Variants in USP34 observed in about 807,000 individuals in gnomAD.
USP34 encodes ubiquitin carboxyl-terminal hydrolase 34.
USP34 carries 70 observed loss-of-function variants against 460.3 expected under a neutral mutation model. That is an observed-to-expected ratio of 0.15 (90% confidence interval 0.13 to 0.19). The LOEUF (loss-of-function observed/expected upper bound fraction) is 0.19, where lower values mean the gene tolerates loss of function less well. Ranked by LOEUF, USP34 falls within the 10% of genes least tolerant of loss-of-function variation. The pLI, the probability that USP34 is intolerant of heterozygous loss-of-function variation, is 1.00. For synonymous variants in USP34, 1,647 were observed against 1,405.3 expected (o/e 1.17, Z -3.85); for missense variants, 3,985 against 4,236.2 (o/e 0.94, Z 1.65).
chr2:61,412,553 G>A (rs1694071877), intron 2 of USP34, among the ~76,000 whole-genome samples: 1 of 151,528 alleles, frequency 6.6e-6, no homozygotes, highest in African/African-American at 2.4e-5. Flanking sequence ...TCCACAAAAG[G>A]GAAAAATGAA....
chr2:61,449,244 G>C (rs941725749), intron 1 of USP34, among the ~76,000 whole-genome samples: 1 of 108,912 alleles, frequency 9.2e-6, no homozygotes, highest in African/African-American at 3.9e-5. Context: ...ATGACAGTGA[G>C]ACTCCCTCTT....
chr2:61,234,840 G>T (rs1436029805), intron 57 of USP34, among the ~76,000 whole-genome samples: 1 of 151,878 alleles, frequency 6.6e-6, no homozygotes, highest in African/African-American at 2.4e-5. Context: ...TTTTGCATGT[G>T]GGCCGGGCTG....
At chr2:61,449,722 T>C (rs928957455) in intron 1 of USP34, among the ~76,000 whole-genome samples, 6 of 152,118 alleles carry the variant, frequency 3.9e-5, no homozygotes, top group South Asian at 2.1e-4. Flanking sequence ...ACAGAAAGAA[T>C]AGATTTTTCT....
intron 1 of USP34, among the ~76,000 whole-genome samples, chr2:61,443,493 T>A (rs201904324): frequency 6.8e-6 from 1 of 147,754 alleles, no homozygotes; most frequent in Non-Finnish European, 1.5e-5. Flanking sequence ...GCAGATGTGT[T>A]AAAAAAAAAA....
intron 1 of USP34, among the ~76,000 whole-genome samples, chr2:61,464,126 G>T (rs186806872): frequency 9.9e-5 from 15 of 152,248 alleles, no homozygotes; most frequent in African/African-American, 3.6e-4. Flanking sequence ...CAAGACCAGT[G>T]TGGCCAAACT....
chr2:61,414,526 G>C (rs1309799718), intron 2 of USP34, among the ~76,000 whole-genome samples: 1 of 152,184 alleles, frequency 6.6e-6, no homozygotes, highest in African/African-American at 2.4e-5. Flanking sequence ...ACAAGGAAGT[G>C]AGCTAAAAAG....
chr2:61,284,843 T>C (rs749316335), intron 35 of USP34, 32 bp downstream of exon 35: 3 of 1,534,964 alleles, frequency 2.0e-6, no homozygotes, highest in African/African-American at 1.4e-5. Context: ...CTGCTATACA[T>C]ACACACATAA....
intron 2 of USP34, among the ~76,000 whole-genome samples, chr2:61,418,098 T>A (rs1238995896): frequency 6.6e-6 from 1 of 150,804 alleles, no homozygotes; most frequent in African/African-American, 2.4e-5. Context: ...TTTTTTTTTT[T>A]AAGATGGAGT....
chr2:61,438,492 C>G (rs1360984147), intron 1 of USP34, among the ~76,000 whole-genome samples: 2 of 151,892 alleles, frequency 1.3e-5, no homozygotes, highest in African/African-American at 4.8e-5. Flanking sequence ...CCTAGCTACT[C>G]GGGAGGCTGA....
chr2:61,420,535 G>A (rs1433968825), intron 2 of USP34, among the ~76,000 whole-genome samples: 1 of 152,038 alleles, frequency 6.6e-6, no homozygotes, highest in South Asian at 2.1e-4. Context: ...ATAAGCAGGG[G>A]TCAAAGAAAG....
At chr2:61,396,115 G>A (rs954425967) in intron 3 of USP34, among the ~76,000 whole-genome samples, 3 of 151,692 alleles carry the variant, frequency 2.0e-5, no homozygotes, top group Non-Finnish European at 4.4e-5. Context: ...ATACATGATA[G>A]TTAAGTGGTT....
intron 43 of USP34, among the ~76,000 whole-genome samples, chr2:61,262,512 G>T (rs1688921916): frequency 6.6e-6 from 1 of 152,002 alleles, no homozygotes; most frequent in Non-Finnish European, 1.5e-5. Flanking sequence ...AAAAGACATG[G>T]TCTTGTTCTT....
At chr2:61,206,154 C>A in intron 71 of USP34, 30 bp from the exon 72 acceptor site, 1 of 1,564,126 alleles carries the variant, frequency 6.4e-7, no homozygotes, top group Non-Finnish European at 8.8e-7. Flanking sequence ...TATAAATATG[C>A]CATCTGAGAT....
chr2:61,392,187 C>T (rs778834864), intron 5 of USP34, among the ~76,000 whole-genome samples: 9 of 152,120 alleles, frequency 5.9e-5, no homozygotes, highest in African/African-American at 9.7e-5. Context: ...TTTAATTTAG[C>T]CAGGCGTGGT....
intron 27 of USP34, among the ~76,000 whole-genome samples, chr2:61,308,638 C>T (rs1690487602): frequency 6.6e-6 from 1 of 152,028 alleles, no homozygotes; most frequent in Admixed American, 6.5e-5. Flanking sequence ...TGCTAAATAC[C>T]TAAACATGTA....
In USP34 at chr2:61,331,376, C is replaced by A. The variant is rs781279115; in HGVS notation, c.2835-5G>T. The A allele has an allele frequency of 3.1e-5, 49 of 1,605,670 alleles. No homozygotes were observed. The highest frequency in any genetic ancestry group is 3.9e-5 in the Non-Finnish European group (46 of 1,176,764). On this transcript the variant is annotated splice_polypyrimidine_tract_variant and splice_region_variant and intron_variant, in intron 19 of 79. Coordinates refer to ENST00000398571, the MANE Select transcript of USP34 (RefSeq NM_014709.4). Reference sequence around the variant, plus strand: ...TTCAGTTCTTTTTCTGCCCACCTGGCCCAAATAAAAGAAAAAATAATTTTA... The same window carrying A: ...TTCAGTTCTTTTTCTGCCCACCTGGACCAAATAAAAGAAAAAATAATTTTA...
chr2:61,468,713 G>A (rs1695858780), intron 1 of USP34, among the ~76,000 whole-genome samples: 1 of 152,106 alleles, frequency 6.6e-6, no homozygotes. Flanking sequence ...GGTAATAAAA[G>A]CTAAATTCTA....
chr2:61,401,448 G>T (rs1282120108), intron 3 of USP34, among the ~76,000 whole-genome samples: 1 of 150,846 alleles, frequency 6.6e-6, no homozygotes, highest in Non-Finnish European at 1.5e-5. Flanking sequence ...ATGTTGCCCA[G>T]CCTAGACTTA....
chr2:61,253,146 G>A (rs887100509), intron 48 of USP34, among the ~76,000 whole-genome samples: 1 of 152,130 alleles, frequency 6.6e-6, no homozygotes, highest in East Asian at 1.9e-4. Flanking sequence ...CATTTCTGTT[G>A]ATTATTATGT....
Sources: allele counts gnomAD v4.1 joint callset (sites outside exome capture counted in the v4.1 genomes callset), GRCh38; gene constraint gnomAD v4.1.1; transcripts MANE v1.5; gene names NCBI Gene and HGNC (gene_info 2026-07-23, HGNC 2026-07-21).